Variants in CHST3 observed in about 807,000 individuals in gnomAD.
CHST3 encodes the protein C6ST-1.
A neutral mutation model predicts 35.4 loss-of-function variants in CHST3; 20 were observed. That is an observed-to-expected ratio of 0.57 (90% CI 0.40 to 0.82). CHST3 has a LOEUF of 0.82. CHST3 is among the 40% of genes least tolerant of loss of function. The pLI is 0.00. For missense variants in CHST3, 693 were observed against 670.1 expected, an observed-to-expected ratio of 1.03 and a Z score of -0.38; for synonymous variants, 334 against 295.9, an observed-to-expected ratio of 1.13 and a Z score of -1.32.
In CHST3 at chr10:72,007,710, T is replaced by G; in HGVS notation, c.679T>G (p.Ser227Ala). The change falls in exon 3 of 3, where the codon TCC becomes GCC. Residue 227 changes from serine to alanine, a missense_variant. Ser to Ala is a moderately conservative substitution (Grantham distance 99, BLOSUM62 1). Coordinates refer to ENST00000373115, the MANE Select transcript of CHST3 (RefSeq NM_004273.5). ...CATGTTCCGCCGGGGCTCCAGCCGC[T>G]CCCTGTGCGAGGACCCCGTCTGTAC... ...QFMFRRGSSR[S>A]LCEDPVCTPF... 1 of 1,606,504 alleles carries G rather than the reference T, an allele frequency of 6.2e-7. No homozygotes were observed. Among genetic ancestry groups the G allele is most frequent in the South Asian group, 1.1e-5 (1 of 90,984 alleles).
At chr10:71,966,206 G>A (rs1016562907) in intron 1 of CHST3, among the ~76,000 whole-genome samples, 1 of 152,116 alleles carries the variant, frequency 6.6e-6, no homozygotes, top group Non-Finnish European at 1.5e-5. Context: ...TTTGGGGGCA[G>A]CCGTTTTTCT....
At chr10:72,006,757 C>G (rs1385427964) in intron 2 of CHST3, among the ~76,000 whole-genome samples, 2 of 152,176 alleles carry the variant, frequency 1.3e-5, no homozygotes, top group Non-Finnish European at 2.9e-5. Flanking sequence ...AATCCCCCCC[C>G]TTGGGTCACT....
At chr10:71,990,617 C>A (rs1204606422) in intron 1 of CHST3, among the ~76,000 whole-genome samples, 1 of 152,200 alleles carries the variant, frequency 6.6e-6, no homozygotes, top group East Asian at 1.9e-4. Flanking sequence ...CCTGCCTCGG[C>A]CTCCCAAAGT....
chr10:71,967,382 G>A (rs748492185), intron 1 of CHST3, among the ~76,000 whole-genome samples: 3 of 152,104 alleles, frequency 2.0e-5, no homozygotes, highest in Non-Finnish European at 4.4e-5. Context: ...GCGTTCAGAT[G>A]TACCCAATGT....
chr10:71,989,442 TC>T (rs1389811530), intron 1 of CHST3, among the ~76,000 whole-genome samples: 1 of 151,772 alleles, frequency 6.6e-6, no homozygotes, highest in Non-Finnish European at 1.5e-5. Flanking sequence ...GCAAGACCCG[TC>T]CTCAAAAAGA....
chr10:71,980,870 A>G (rs892676754), intron 1 of CHST3, among the ~76,000 whole-genome samples: 1 of 152,166 alleles, frequency 6.6e-6, no homozygotes, highest in Non-Finnish European at 1.5e-5. Flanking sequence ...GATCTTTAAC[A>G]CCACCCTCCT....
chr10:71,969,442 C>T (rs905547051), intron 1 of CHST3, among the ~76,000 whole-genome samples: 7 of 152,216 alleles, frequency 4.6e-5, no homozygotes, highest in South Asian at 4.1e-4. Flanking sequence ...GCTCCACCCA[C>T]CCTCATCTCT....
chr10:72,001,820 G>A (rs897954626), intron 1 of CHST3, among the ~76,000 whole-genome samples: 2 of 152,180 alleles, frequency 1.3e-5, no homozygotes, highest in Non-Finnish European at 2.9e-5. Flanking sequence ...AGAGAAGGAG[G>A]AAGAGATTTT....
In CHST3 at chr10:72,007,976, CG is replaced by C; in HGVS notation, c.947del (p.Gly316AlafsTer18). The C allele has an allele frequency of 6.5e-7, 1 of 1,549,444 alleles. No individual in the cohort carries two copies. Among genetic ancestry groups the C allele is most frequent in the Non-Finnish European group, 8.7e-7 (1 of 1,146,504 alleles). On this transcript the variant is annotated frameshift_variant, in exon 3 of 3. Transcript: ENST00000373115. LOFTEE classifies it high-confidence loss of function. ...TGGCCTCGCGCATGGTGGCCTTCGC[CG>C]GCAAGTATAAGACCTGGAAGAAGTG... The part of the protein sequence containing the change: ...VLASRMVAFA[G>X]KYKTWKKWLD...
chr10:71,972,887 C>T lies in CHST3; in HGVS notation c.-108+8193C>T, dbSNP rs182464834. On this transcript the variant is annotated intron_variant, in intron 1 of 2. Transcript: ENST00000373115. ...GCCCTCCCCATGGCTGCCCACAGGTCCCCCTCACTGCCCTTTGCCTGTGGT... is the reference window on the plus strand; with the variant it reads ...GCCCTCCCCATGGCTGCCCACAGGTTCCCCTCACTGCCCTTTGCCTGTGGT... Among the ~76,000 whole-genome samples the T allele has an allele frequency of 2.2e-3, 331 of 152,308 alleles. 1 individual carries two copies. Among genetic ancestry groups the T allele is most frequent in the African/African-American group, 7.7e-3 (321 of 41,566 alleles).
At chr10:71,991,849 G>A (rs1389619939) in intron 1 of CHST3, among the ~76,000 whole-genome samples, 1 of 151,826 alleles carries the variant, frequency 6.6e-6, no homozygotes, top group Non-Finnish European at 1.5e-5. Context: ...CAGGAGAATC[G>A]CTGGAACCCG....
chr10:72,008,557 G>T lies in CHST3; in HGVS notation c.*86G>T, dbSNP rs1259087024. 1.6e-5 allele frequency: 23 copies of T among 1,442,408 alleles called. No homozygotes were observed. Among genetic ancestry groups the T allele is most frequent in the Non-Finnish European group, 1.2e-5 (13 of 1,100,316 alleles). 89.4% of individuals were successfully genotyped at this position (1,442,408 alleles called of 1,614,324 possible). A position where few individuals can be genotyped will look rare whatever the true frequency, so the allele number is the denominator to read the frequency against. On this transcript the variant is annotated 3_prime_UTR_variant, in exon 3 of 3. Transcript: ENST00000373115. ...CCCTCGCAGAGGGCGGGTGCACAGC[G>T]CCATGAGCGGGCAGCGCCTCCTGTA...
In CHST3 at chr10:72,000,492, G is replaced by C. The variant is rs146090417; in HGVS notation, c.-107-5244G>C. 3.0e-3 allele frequency among the ~76,000 whole-genome samples: 453 copies of C among 151,868 alleles called. 5 individuals are homozygous for C. Among genetic ancestry groups the C allele is most frequent in the African/African-American group, 0.01 (430 of 41,512 alleles). On this transcript the variant is annotated intron_variant, in intron 1 of 2. Coordinates refer to ENST00000373115, the MANE Select transcript of CHST3 (RefSeq NM_004273.5). ...GTACTCCAGAGCTGGGGGGGCATTT[G>C]AGCTGAGTCCTGATTGCTTAGAAGG...
rs562623943 is a variant in CHST3 at position 71,999,766 on chromosome 10, C to A, written c.-107-5970C>A. On this transcript the variant is annotated intron_variant, in intron 1 of 2. Transcript: ENST00000373115. ...TAGAAAACTCGTTCTCTGGGAGGCA[C>A]CTTGCCAAGTCACGAGGGAGGCCTG... Among the ~76,000 whole-genome samples, 124 of 152,330 alleles carry A rather than the reference C, an allele frequency of 8.1e-4. 1 individual carries two copies. Among genetic ancestry groups the A allele is most frequent in the Non-Finnish European group, 1.3e-3 (91 of 68,026 alleles).
chr10:71,968,006 C>T (rs1466869891), intron 1 of CHST3, among the ~76,000 whole-genome samples: 2 of 107,112 alleles, frequency 1.9e-5, no homozygotes, highest in African/African-American at 2.9e-5. Flanking sequence ...TTAGTAGAGA[C>T]GAGGTTTCAC....
chr10:71,973,274 A>C (rs1839713276), intron 1 of CHST3, among the ~76,000 whole-genome samples: 1 of 152,262 alleles, frequency 6.6e-6, no homozygotes, highest in African/African-American at 2.4e-5. Context: ...GATGAGCCTG[A>C]AACCCTTCCA....
chr10:71,986,250 C>T (rs563154592), intron 1 of CHST3, among the ~76,000 whole-genome samples: 1 of 152,184 alleles, frequency 6.6e-6, no homozygotes, highest in African/African-American at 2.4e-5. Context: ...AGTAGTGGCT[C>T]TCCATCTTTG....
At chr10:71,998,945 A>G (rs1024394487) in intron 1 of CHST3, among the ~76,000 whole-genome samples, 31 of 152,084 alleles carry the variant, frequency 2.0e-4, no homozygotes, top group Admixed American at 1.8e-3. Flanking sequence ...CCAGGCATTC[A>G]TTCACTTCCC....
rs1839645650 is a variant in CHST3, at chr10:71,967,742, C to T, written c.-108+3048C>T. On this transcript the variant is annotated intron_variant, in intron 1 of 2. Transcript: ENST00000373115. Reference sequence around the variant, plus strand: ...AATCCTACTTTGAGTTCTTTGAGAACTCTCCAAACTGCTTTCCACAATGGC... The same window carrying T: ...AATCCTACTTTGAGTTCTTTGAGAATTCTCCAAACTGCTTTCCACAATGGC... Among the ~76,000 whole-genome samples the T allele has an allele frequency of 2.0e-5, 3 of 152,150 alleles. No homozygotes were observed. The South Asian group carries it at 6.2e-4, about 32-fold the overall frequency.
Sources: allele counts gnomAD v4.1 joint callset (sites outside exome capture counted in the v4.1 genomes callset), GRCh38; gene constraint gnomAD v4.1.1; transcripts MANE v1.5; gene names NCBI Gene and HGNC (gene_info 2026-07-23, HGNC 2026-07-21).